Variants in LCMT1 observed in about 807,000 individuals in gnomAD.
LCMT1 encodes the protein [Phosphatase 2A protein]-leucine-carboxy methyltransferase 1.
A neutral mutation model predicts 47.7 loss-of-function variants in LCMT1; 32 were observed. The observed-to-expected ratio is 0.67, with a 90% confidence interval of 0.51 to 0.90. LCMT1 has a LOEUF of 0.90. Ranked by LOEUF, LCMT1 falls within the 40% of genes least tolerant of loss-of-function variation. LCMT1 has a pLI of 0.00. For synonymous variants in LCMT1, 152 were observed against 149.7 expected (o/e 1.02, Z -0.11); for missense variants, 375 against 415.2 (o/e 0.90, Z 0.84).
At chr16:25,117,378 A>C (rs1959826499) in intron 1 of LCMT1, among the ~76,000 whole-genome samples, 1 of 152,152 alleles carries the variant, frequency 6.6e-6, no homozygotes, top group African/African-American at 2.4e-5. Flanking sequence ...TGTGACATAT[A>C]TACTGTACCT....
intron 1 of LCMT1, among the ~76,000 whole-genome samples, chr16:25,123,236 T>TC (rs1218055547): frequency 2.6e-4 from 39 of 148,956 alleles, no homozygotes; most frequent in Non-Finnish European, 4.6e-4. Flanking sequence ...TTTTTTTTTT[T>TC]TTTTTTGTGA....
chr16:25,166,316 T>C (rs907433463), intron 7 of LCMT1, among the ~76,000 whole-genome samples: 6 of 151,632 alleles, frequency 4.0e-5, no homozygotes, highest in African/African-American at 1.5e-4. Flanking sequence ...CTCCAGATTA[T>C]TATGGGGATT....
intron 10 of LCMT1, among the ~76,000 whole-genome samples, chr16:25,177,787 A>G (rs1353373491): frequency 6.6e-6 from 1 of 152,114 alleles, no homozygotes; most frequent in African/African-American, 2.4e-5. Context: ...AAACTGTTAT[A>G]ATGTTTTCTT....
intron 5 of LCMT1, among the ~76,000 whole-genome samples, chr16:25,153,494 CCAAG>C (rs1475920603): frequency 6.8e-6 from 1 of 148,056 alleles, no homozygotes; most frequent in African/African-American, 2.5e-5. Context: ...AATCCCAATC[CCAAG>C]CAAGTGGCAT....
At chr16:25,160,111 G>C (rs1597597109) in intron 5 of LCMT1, among the ~76,000 whole-genome samples, 1 of 152,206 alleles carries the variant, frequency 6.6e-6, no homozygotes, top group African/African-American at 2.4e-5. Flanking sequence ...ACCACACCCA[G>C]CTAATTTTTG....
intron 2 of LCMT1, chr16:25,132,194 GATT>G (rs1201143442): frequency 5.2e-6 from 3 of 573,456 alleles, no homozygotes; most frequent in African/African-American, 3.7e-5. Flanking sequence ...TCATGAAATA[GATT>G]ATACTTACCT....
intron 4 of LCMT1, chr16:25,149,057 A>G (rs1187796322): frequency 1.3e-5 from 2 of 152,210 alleles, no homozygotes; most frequent in South Asian, 2.1e-4. Flanking sequence ...GCGGGTCAGC[A>G]TATCTAGTGG....
intron 1 of LCMT1, among the ~76,000 whole-genome samples, chr16:25,113,466 A>G (rs1318042386): frequency 6.6e-6 from 1 of 152,232 alleles, no homozygotes; most frequent in Non-Finnish European, 1.5e-5. Context: ...CCTGATCTGT[A>G]AAATGGGGAG....
At chr16:25,154,336 A>C (rs766113220) in intron 5 of LCMT1, among the ~76,000 whole-genome samples, 20 of 151,806 alleles carry the variant, frequency 1.3e-4, no homozygotes, top group Non-Finnish European at 1.9e-4. Flanking sequence ...AAAAAAAATT[A>C]TGTAACTTTG....
At chr16:25,150,354 T>G (rs2141680369) in intron 4 of LCMT1, among the ~76,000 whole-genome samples, 1 of 143,468 alleles carries the variant, frequency 7.0e-6, no homozygotes, top group East Asian at 2.0e-4. Flanking sequence ...TTTTTTTTTT[T>G]TTTTTTTGAG....
At chr16:25,120,293 G>A (rs1463832802) in intron 1 of LCMT1, among the ~76,000 whole-genome samples, 1 of 151,406 alleles carries the variant, frequency 6.6e-6, no homozygotes, top group Middle Eastern at 3.2e-3. Context: ...GTGCGATCTC[G>A]GGTCACTGCA....
intron 3 of LCMT1, among the ~76,000 whole-genome samples, chr16:25,136,475 T>C (rs565183043): frequency 1.3e-5 from 2 of 152,096 alleles, no homozygotes; most frequent in African/African-American, 2.4e-5. Context: ...GGATATCTTT[T>C]TTTTTTTTTT....
At chr16:25,160,891 C>A in intron 5 of LCMT1, 2 of 636,372 alleles carry the variant, frequency 3.1e-6, no homozygotes, top group Admixed American at 2.1e-5. Context: ...ATAACTTAAG[C>A]ACATAGGACA....
intron 3 of LCMT1, among the ~76,000 whole-genome samples, chr16:25,135,906 C>CA (rs1231436964): frequency 1.3e-5 from 2 of 151,858 alleles, no homozygotes; most frequent in Non-Finnish European, 1.5e-5. Flanking sequence ...GCCTGGGCAT[C>CA]ATGACAAAAC....
chr16:25,177,660 C>G (rs1487382069), intron 10 of LCMT1, among the ~76,000 whole-genome samples: 4 of 152,154 alleles, frequency 2.6e-5, no homozygotes, highest in Admixed American at 2.6e-4. Context: ...CCCCACTGAC[C>G]CGTGACTGCT....
chr16:25,150,235 A>T (rs1282526235), intron 4 of LCMT1, among the ~76,000 whole-genome samples: 2 of 17,262 alleles, frequency 1.2e-4, no homozygotes, highest in African/African-American at 2.7e-4. Flanking sequence ...AGGCTTAAAG[A>T]AGTTAATTTG....
chr16:25,148,420 C>G (rs1450411513), intron 4 of LCMT1, among the ~76,000 whole-genome samples: 2 of 152,222 alleles, frequency 1.3e-5, no homozygotes, highest in African/African-American at 2.4e-5. Flanking sequence ...GAAAAGCTCA[C>G]AGGCTTCCCT....
chr16:25,137,585 A>C (rs556212244), intron 3 of LCMT1, among the ~76,000 whole-genome samples: 1 of 151,914 alleles, frequency 6.6e-6, no homozygotes, highest in South Asian at 2.1e-4. Flanking sequence ...GCTGGGGACT[A>C]CAGGTGCAAG....
intron 3 of LCMT1, among the ~76,000 whole-genome samples, chr16:25,135,297 A>ATATATATATATATATATATATG (rs1567313913): frequency 3.3e-5 from 5 of 149,934 alleles, no homozygotes; most frequent in African/African-American, 1.2e-4. Context: ...ATATATCTAT[A>ATATATATATATATATATATATG]TATATATATA....
Sources: gnomAD v4.1 joint callset for allele counts (sites outside exome capture counted in the v4.1 genomes callset) on GRCh38, gnomAD v4.1.1 for gene constraint, MANE v1.5 for transcripts, NCBI Gene and HGNC (gene_info 2026-07-23, HGNC 2026-07-21) for gene names.